KPTN: variants seen among roughly 807,000 people sequenced by gnomAD.
KPTN encodes the protein KICSTOR complex protein kaptin.
Under a neutral mutation model 52.6 loss-of-function variants are expected in KPTN, and 36 were observed. The observed-to-expected ratio is 0.68, with a 90% CI of 0.52 to 0.90. KPTN has a LOEUF of 0.90. Ranked by LOEUF, KPTN falls within the 40% of genes least tolerant of loss-of-function variation. The probability of loss-of-function intolerance (pLI) is 0.00; values close to 1 mark genes in which losing one functional copy is unlikely to be tolerated. For synonymous variants in KPTN, 271 were observed against 248.4 expected, an observed-to-expected ratio of 1.09 and a Z score of -0.85; for missense variants, 529 against 576.2, an observed-to-expected ratio of 0.92 and a Z score of 0.84.
At chr19:47,485,359 G>C (rs1402083570), upstream of KPTN, among the ~76,000 whole-genome samples, 1 of 152,248 alleles carries the variant, frequency 6.6e-6, no homozygotes, top group Non-Finnish European at 1.5e-5. Context: ...TGATATGCTA[G>C]CAAGTGGTGG....
chr19:47,480,858 C>A lies in KPTN; in HGVS notation c.526-25G>T, dbSNP rs1260276878. On this transcript the variant is annotated intron_variant, in intron 5 of 11. Transcript: ENST00000338134. ...TCTGGGGAAACCAAGACCCACCCCA[C>A]CCCCGCTTAAGTCAGCCGTCAGCTT... The A allele has an allele frequency of 2.5e-5, 40 of 1,613,592 alleles. No homozygotes were observed. The Middle Eastern group carries it at 4.9e-4, about 20-fold the overall frequency.
At chr19:47,480,863 G>C in intron 5 of KPTN, 30 bp from the exon 6 acceptor site, 1 of 1,612,568 alleles carries the variant, frequency 6.2e-7, no homozygotes. Flanking sequence ...CCCCACCCCC[G>C]CTTAAGTCAG....
At chr19:47,476,274 G>A (rs1244579344) in intron 11 of KPTN, 3 of 256,440 alleles carry the variant, frequency 1.2e-5, no homozygotes, top group Non-Finnish European at 1.4e-5. Flanking sequence ...GAGTCACTGC[G>A]CTAGAGCCTG....
chr19:47,477,899 A>C, intron 8 of KPTN, 118 bp from the exon 9 acceptor site: 3 of 629,410 alleles, frequency 4.8e-6, no homozygotes, highest in Admixed American at 2.2e-5. Context: ...GCCTCTACTA[A>C]AAACACAAAA....
intron 6 of KPTN, 34 bp downstream of exon 6, chr19:47,480,726 G>A (rs377103680): frequency 6.9e-6 from 11 of 1,593,708 alleles, no homozygotes; most frequent in East Asian, 4.5e-5. Context: ...TCAGTGCCCC[G>A]GTCCCCAGTG....
Position 47,475,655 on chromosome 19 carries a change from G to C in KPTN, c.1183-111C>G, listed in dbSNP as rs1967639653. 8.6e-6 allele frequency: 11 copies of C among 1,284,204 alleles called. No homozygotes were observed. In the South Asian group the frequency reaches 1.4e-4, roughly 17 times the overall value. 79.6% of individuals were successfully genotyped at this position (1,284,204 alleles called of 1,614,324 possible). A position where few individuals can be genotyped will look rare whatever the true frequency, so the allele number is the denominator to read the frequency against. ...AAGGCCAGGAGCTCGGCCCACGTGGGAGGGCAGAGAGCAGACCACAGTGTG... is the reference window on the plus strand; with the variant it reads ...AAGGCCAGGAGCTCGGCCCACGTGGCAGGGCAGAGAGCAGACCACAGTGTG... On this transcript the variant is annotated intron_variant, in intron 11 of 11. Coordinates refer to ENST00000338134, the MANE Select transcript of KPTN (RefSeq NM_007059.4).
At position 47,483,981 on chromosome 19, in the gene KPTN, C is replaced by T. The variant is rs1475524298; in HGVS notation, c.180G>A (p.Gln60=). ...VLGFRYQDLR[Q]KIRPVAKELQ... Reference sequence around the variant, plus strand: ...GCTCCTTGGCCACTGGCCGGATTTTCTGTCGGAGGTCTTGGTAGCGGAAGC... The same window carrying T: ...GCTCCTTGGCCACTGGCCGGATTTTTTGTCGGAGGTCTTGGTAGCGGAAGC... Residue 60 remains glutamine, a synonymous_variant, in exon 1 of 12, where the codon CAG becomes CAA. Transcript: ENST00000338134. The T allele has an allele frequency of 1.5e-5, 24 of 1,613,710 alleles. No individual in the cohort carries two copies. The highest frequency in any genetic ancestry group is 2.0e-5 in the Non-Finnish European group (24 of 1,180,020).
At chr19:47,484,706 A>ATTTT (rs35425298), upstream of KPTN, among the ~76,000 whole-genome samples, 1 of 129,172 alleles carries the variant, frequency 7.7e-6, no homozygotes. Context: ...ACAGTTCACT[A>ATTTT]TTTTTTTTTT....
At chr19:47,484,297 C>G, upstream of KPTN, 1 of 1,181,360 alleles carries the variant, frequency 8.5e-7, no homozygotes, top group Non-Finnish European at 1.1e-6. Flanking sequence ...CCGGCGTTGC[C>G]CTCTCCCAAG....
chr19:47,485,161 CA>C (rs1384223908), upstream of KPTN, among the ~76,000 whole-genome samples: 2 of 152,174 alleles, frequency 1.3e-5, no homozygotes, highest in Non-Finnish European at 2.9e-5. Flanking sequence ...AACTGTTCTG[CA>C]AGGGCCTACT....
rs1394247515 is a variant in KPTN at position 47,481,039 on chromosome 19, A to G, written c.450-6T>C. The G allele has an allele frequency of 2.5e-6, 4 of 1,573,884 alleles. No homozygotes were observed. In the South Asian group the frequency reaches 4.6e-5, roughly 18 times the overall value. On this transcript the variant is annotated splice_region_variant and splice_polypyrimidine_tract_variant and intron_variant, in intron 4 of 11. Coordinates refer to ENST00000338134, the MANE Select transcript of KPTN (RefSeq NM_007059.4). Reference sequence around the variant, plus strand: ...GTTGATCCCCGACCTGGACCCTGAAAGCAGAGAAATCTAGAACCCAAGGTA... The same window carrying G: ...GTTGATCCCCGACCTGGACCCTGAAGGCAGAGAAATCTAGAACCCAAGGTA...
chr19:47,483,421 G>C, intron 2 of KPTN, 42 bp from the exon 3 acceptor site: 1 of 1,602,618 alleles, frequency 6.2e-7, no homozygotes, highest in Non-Finnish European at 8.5e-7. Context: ...AGGGGTGGCA[G>C]GAGGGATCCG....
intron 11 of KPTN, 106 bp from the exon 12 acceptor site, chr19:47,475,650 C>T (rs1967639506): frequency 5.9e-6 from 8 of 1,347,808 alleles, no homozygotes; most frequent in African/African-American, 1.4e-5. Context: ...GCTCGGCCCA[C>T]GTGGGAGGGC....
intron 4 of KPTN, among the ~76,000 whole-genome samples, chr19:47,482,642 G>A (rs1967923153): frequency 6.6e-6 from 1 of 152,100 alleles, no homozygotes; most frequent in Non-Finnish European, 1.5e-5. Context: ...TATTACATTT[G>A]TGCTTTCCAT....
At position 47,476,944 on chromosome 19, in the gene KPTN, G is replaced by A; in HGVS notation, c.864-6C>T. 6.4e-7 allele frequency: 1 copy of A among 1,554,254 alleles called. No homozygotes were observed. The highest frequency in any genetic ancestry group is 8.7e-7 in the Non-Finnish European group (1 of 1,148,496). On this transcript the variant is annotated splice_region_variant and splice_polypyrimidine_tract_variant and intron_variant, in intron 9 of 11. Coordinates refer to ENST00000338134, the MANE Select transcript of KPTN (RefSeq NM_007059.4). ...GACCCCGGTTCAGCAGGTCCCTGAG[G>A]GTCCCAAATACAGCATATAGACTGG...
chr19:47,483,075 G>A, intron 4 of KPTN, 86 bp downstream of exon 4: 1 of 1,276,562 alleles, frequency 7.8e-7, no homozygotes, highest in Non-Finnish European at 1.1e-6. Context: ...ACAGACTACA[G>A]GGGTCTGTAA....
chr19:47,484,687 G>A (rs1968017831), upstream of KPTN, among the ~76,000 whole-genome samples: 1 of 151,580 alleles, frequency 6.6e-6, no homozygotes, highest in African/African-American at 2.4e-5. Flanking sequence ...AACCAAACAA[G>A]GTAACTCCAC....
intron 4 of KPTN, among the ~76,000 whole-genome samples, chr19:47,482,314 A>C (rs1967904487): frequency 6.6e-6 from 1 of 151,842 alleles, no homozygotes; most frequent in Non-Finnish European, 1.5e-5. Context: ...CATGGCAAAA[A>C]CCTATCTATA....
Position 47,475,505 on chromosome 19 carries a change from G to GC in KPTN, c.1221dup (p.Leu408AlafsTer25). 1 of 1,613,416 alleles carries GC rather than the reference G, an allele frequency of 6.2e-7. No individual in the cohort carries two copies. The highest frequency in any genetic ancestry group is 8.5e-7 in the Non-Finnish European group (1 of 1,179,442). ...CTCCTCTGCTCCACTTGATGTCGAA[G>GC]CCGGGTCAAGACCAGCTCTGAGGCC... On this transcript the variant is annotated frameshift_variant, in exon 12 of 12. Coordinates refer to ENST00000338134, the MANE Select transcript of KPTN (RefSeq NM_007059.4). LOFTEE classifies it low-confidence loss of function (END_TRUNC).
Sources: allele counts gnomAD v4.1 joint callset (sites outside exome capture counted in the v4.1 genomes callset), GRCh38; gene constraint gnomAD v4.1.1; transcripts MANE v1.5; gene names NCBI Gene and HGNC (gene_info 2026-07-23, HGNC 2026-07-21).